ANO7: variants seen among roughly 807,000 people sequenced by gnomAD.
The protein encoded by ANO7 is anoctamin 7.
ANO7 carries 114 observed loss-of-function variants against 115.8 expected under a neutral mutation model. That is an observed-to-expected ratio of 0.98 (90% CI 0.85 to 1.15). ANO7 has a LOEUF of 1.15. Among genes scored for constraint, ANO7 ranks in the 50% most tolerant of loss-of-function variants. The pLI, the probability that ANO7 is intolerant of heterozygous loss-of-function variation, is 0.00. For synonymous variants in ANO7, 550 were observed against 498.2 expected, an observed-to-expected ratio of 1.10 and a Z score of -1.38; for missense variants, 1,302 against 1,201.2, an observed-to-expected ratio of 1.08 and a Z score of -1.24.
At chr2:241,233,820 C>G in the ANO7 span, 1 of 1,614,188 alleles carries the variant, frequency 6.2e-7, no homozygotes, top group Non-Finnish European at 8.5e-7. The surrounding 1 kb of genome is among the most constrained non-coding windows in gnomAD (Gnocchi z 4.3). Flanking sequence ...AGGCTCTCAC[C>G]TGGTTCCCAT....
the ANO7 span, chr2:241,239,728 T>G: frequency 6.2e-7 from 1 of 1,614,212 alleles, no homozygotes; most frequent in Non-Finnish European, 8.5e-7. The surrounding 1 kb of genome is among the most constrained non-coding windows in gnomAD (Gnocchi z 4.6). Context: ...CGCCATACTC[T>G]TCAGCAATCT....
intron 16 of ANO7, 137 bp downstream of exon 16, chr2:241,212,342 C>A: frequency 1.0e-6 from 1 of 972,690 alleles, no homozygotes; most frequent in South Asian, 1.4e-5. Context: ...AGGCAGGGGA[C>A]AGGGGCCCAT....
At chr2:241,226,994 A>C (rs2069202625), downstream of ANO7, among the ~76,000 whole-genome samples, 2 of 152,130 alleles carry the variant, frequency 1.3e-5, no homozygotes, top group South Asian at 4.1e-4. Flanking sequence ...CAGAGTCCTA[A>C]AAGGGAGTGG....
Position 241,223,254 on chromosome 2 carries a change from T to C in ANO7, c.2390T>C (p.Leu797Pro). 5.0e-6 allele frequency: 8 copies of C among 1,614,258 alleles called. No homozygotes were observed. Among genetic ancestry groups the C allele is most frequent in the Non-Finnish European group, 5.1e-6 (6 of 1,180,046 alleles). Residue 797 changes from leucine to proline, a missense_variant, in exon 22 of 25, where the codon CTG becomes CCG. Physicochemically the swap from Leu to Pro is moderately conservative, Grantham distance 98. Transcript: ENST00000674324. ...TACTGGAATCTTCTTGCCATCCGCCTGGCCTTCGTCATTGTGTTTGAGGTA... is the reference window on the plus strand; with the variant it reads ...TACTGGAATCTTCTTGCCATCCGCCCGGCCTTCGTCATTGTGTTTGAGGTA... ...QTYWNLLAIR[L>P]AFVIVFEHVV...
chr2:241,216,316 C>A, intron 19 of ANO7, 78 bp downstream of exon 19: 1 of 1,452,150 alleles, frequency 6.9e-7, no homozygotes, highest in South Asian at 1.4e-5. Flanking sequence ...AAGGGCCTCC[C>A]AGCCTGACAT....
At chr2:241,239,567 G>C in the ANO7 span, 56 of 1,558,084 alleles carry the variant, frequency 3.6e-5, no homozygotes, top group Non-Finnish European at 4.8e-5. The surrounding 1 kb of genome is among the most constrained non-coding windows in gnomAD (Gnocchi z 4.6). Flanking sequence ...GCCACTGGGG[G>C]GTGAGAACCC....
chr2:241,210,954 G>A (rs1276825084), intron 15 of ANO7, among the ~76,000 whole-genome samples: 1 of 152,158 alleles, frequency 6.6e-6, no homozygotes, highest in Non-Finnish European at 1.5e-5. Flanking sequence ...ACAGGCATGA[G>A]CCACAGCACC....
intron 21 of ANO7, among the ~76,000 whole-genome samples, chr2:241,221,216 C>T (rs1271917884): frequency 1.3e-5 from 2 of 151,484 alleles, no homozygotes; most frequent in African/African-American, 4.8e-5. Context: ...GCTGGGATTA[C>T]AGGCGCCCAC....
At chr2:241,216,298 C>T (rs998091907) in intron 19 of ANO7, 60 bp downstream of exon 19, 2 of 1,492,550 alleles carry the variant, frequency 1.3e-6, no homozygotes, top group East Asian at 2.5e-5. Context: ...TGGGTGGCCA[C>T]TCTGCTCAAG....
chr2:241,239,179 C>T, the ANO7 span, among the ~76,000 whole-genome samples: 9 of 152,222 alleles, frequency 5.9e-5, no homozygotes, highest in Non-Finnish European at 7.3e-5. The surrounding 1 kb of genome is among the most constrained non-coding windows in gnomAD (Gnocchi z 4.6). Context: ...CTAAAGACCA[C>T]GTCTTCTCAT....
chr2:241,215,418 G>C (rs1268014441), intron 18 of ANO7, among the ~76,000 whole-genome samples: 1 of 152,192 alleles, frequency 6.6e-6, no homozygotes. Flanking sequence ...CCCGCTCAAG[G>C]CCAGACTGAC....
At chr2:241,234,702 G>C in the ANO7 span, among the ~76,000 whole-genome samples, 1 of 152,186 alleles carries the variant, frequency 6.6e-6, no homozygotes, top group South Asian at 2.1e-4. Context: ...CCAGAGGTTG[G>C]GGGGGTTTCA....
chr2:241,215,740 C>A (rs1185303450), intron 18 of ANO7, among the ~76,000 whole-genome samples: 1 of 152,220 alleles, frequency 6.6e-6, no homozygotes, highest in Non-Finnish European at 1.5e-5. Flanking sequence ...TTCCCTGGGA[C>A]ACCACAGTCG....
chr2:241,199,326 A>AGGAC lies in ANO7; in HGVS notation c.323_326dup (p.Asn110ArgfsTer82), dbSNP rs1329236057. Reference sequence around the variant, plus strand: ...CCTGGGTGCCTACAGCAGGACGTCCAGGACGGGAACACCACAGTGCACTAC... The same window carrying AGGAC: ...CCTGGGTGCCTACAGCAGGACGTCCAGGACGGACGGGAACACCACAGTGCACTAC... On this transcript the variant is annotated frameshift_variant, in exon 5 of 25. Transcript: ENST00000674324. LOFTEE classifies it high-confidence loss of function. 1 of 1,613,568 alleles carries AGGAC rather than the reference A, an allele frequency of 6.2e-7. No individual in the cohort carries two copies. The highest frequency in any genetic ancestry group is 8.5e-7 in the Non-Finnish European group (1 of 1,180,012).
intron 2 of ANO7, among the ~76,000 whole-genome samples, chr2:241,190,576 G>A (rs1198636129): frequency 6.6e-6 from 1 of 152,238 alleles, no homozygotes; most frequent in Non-Finnish European, 1.5e-5. Context: ...AGCCTGTGGG[G>A]AGAGGCTGGG....
chr2:241,200,337 G>T (rs1186968786), intron 6 of ANO7, 112 bp downstream of exon 6: 10 of 1,417,444 alleles, frequency 7.1e-6, no homozygotes, highest in Non-Finnish European at 9.4e-6. Context: ...GGAGTTTTCG[G>T]CAGGGAATCT....
chr2:241,229,638 A>G, downstream of ANO7: 2 of 1,614,100 alleles, frequency 1.2e-6, no homozygotes, highest in Non-Finnish European at 1.7e-6. Flanking sequence ...CTTGGGAGCC[A>G]CCTGAGCCCC....
In ANO7 at chr2:241,217,672, C is replaced by A. The variant is rs111770284; in HGVS notation, c.1973-14C>A. On this transcript the variant is annotated splice_polypyrimidine_tract_variant and intron_variant, in intron 19 of 24. Transcript: ENST00000674324. The stretch of plus-strand genomic sequence containing the variant: ...ACGGTGGCGGAGAGCCCGGCCGTGA[C>A]CCCCTCCCCGCAGTGCTGCAGTTCG... 2 of 1,567,890 alleles carry A rather than the reference C, an allele frequency of 1.3e-6. No individual in the cohort carries two copies. Among genetic ancestry groups the A allele is most frequent in the South Asian group, 1.2e-5 (1 of 86,718 alleles).
chr2:241,235,239 G>A, the ANO7 span: 2 of 1,614,072 alleles, frequency 1.2e-6, no homozygotes, highest in African/African-American at 1.3e-5. Flanking sequence ...CTCAGGTGCC[G>A]GGACATGTAT....
Sources: gnomAD v4.1 joint callset for allele counts (sites outside exome capture counted in the v4.1 genomes callset) on GRCh38, gnomAD v4.1.1 for gene constraint, Gnocchi (gnomAD v3.1) non-coding constraint, MANE v1.5 for transcripts, NCBI Gene and HGNC (gene_info 2026-07-23, HGNC 2026-07-21) for gene names.